The following C17orf78 variants were observed in gnomAD, a reference collection of about 807,000 sequenced individuals.
The protein encoded by C17orf78 is uncharacterized protein C17orf78.
Under a neutral mutation model 31.8 loss-of-function variants are expected in C17orf78, and 27 were observed. The ratio of observed to expected loss-of-function variants is 0.85; its 90% confidence interval spans 0.63 to 1.17. C17orf78 has a LOEUF of 1.17. Among genes scored for constraint, C17orf78 ranks in the 50% most tolerant of loss-of-function variants. C17orf78 has a pLI of 0.00. For synonymous variants in C17orf78, 106 were observed against 115.1 expected, an observed-to-expected ratio of 0.92 and a Z score of 0.51; for missense variants, 258 against 315.2, an observed-to-expected ratio of 0.82 and a Z score of 1.37.
At chr17:37,378,861 A>G (rs1376523144) in intron 2 of C17orf78, among the ~76,000 whole-genome samples, 1 of 152,140 alleles carries the variant, frequency 6.6e-6, no homozygotes, top group African/African-American at 2.4e-5. Flanking sequence ...CAGGAGTTCG[A>G]GACCAGCTTG....
At chr17:37,384,942 C>A (rs1337224162) in intron 3 of C17orf78, among the ~76,000 whole-genome samples, 1 of 152,108 alleles carries the variant, frequency 6.6e-6, no homozygotes, top group Non-Finnish European at 1.5e-5. Context: ...TGATATGAGA[C>A]CACTAAAAAT....
intron 6 of C17orf78, among the ~76,000 whole-genome samples, chr17:37,390,269 A>AT (rs2050773950): frequency 6.8e-4 from 46 of 67,742 alleles, no homozygotes; most frequent in Non-Finnish European, 1.1e-3. Context: ...ATAATTATAT[A>AT]TAATATATTA....
In C17orf78 at chr17:37,376,086, A is replaced by G. The variant is rs749669560; in HGVS notation, c.-7A>G. ...TCTGTCTGCAATGAGCATGTGCTCA[A>G]GCTAACATGGATACCATCTTGGTCT... On this transcript the variant is annotated 5_prime_UTR_variant, in exon 1 of 7. Coordinates refer to ENST00000615133, the MANE Select transcript of C17orf78 (RefSeq NM_173625.5). The G allele has an allele frequency of 5.6e-6, 9 of 1,611,024 alleles. No homozygotes were observed. The Admixed American group carries it at 1.3e-4, about 24-fold the overall frequency.
chr17:37,380,117 C>T (rs1418370932), intron 3 of C17orf78, among the ~76,000 whole-genome samples: 2 of 152,006 alleles, frequency 1.3e-5, no homozygotes, highest in Admixed American at 1.3e-4. Context: ...GAGTTCATGT[C>T]CTTTGTAGGG....
intron 3 of C17orf78, among the ~76,000 whole-genome samples, chr17:37,383,574 G>A (rs2050396785): frequency 6.6e-6 from 1 of 152,204 alleles, no homozygotes; most frequent in Non-Finnish European, 1.5e-5. Context: ...TTGAGACAGA[G>A]TCTCGCTTTG....
At chr17:37,389,905 C>G (rs1250985922) in intron 6 of C17orf78, among the ~76,000 whole-genome samples, 2 of 150,392 alleles carry the variant, frequency 1.3e-5, no homozygotes, top group African/African-American at 2.4e-5. Context: ...AGACATGATA[C>G]AATAGGGTGC....
At chr17:37,388,554 G>T in intron 4 of C17orf78, 116 bp from the exon 5 acceptor site, 2 of 1,234,128 alleles carry the variant, frequency 1.6e-6, no homozygotes, top group Non-Finnish European at 1.1e-6. Flanking sequence ...TCTGCCTCTG[G>T]GTTAGTCTGG....
intron 3 of C17orf78, among the ~76,000 whole-genome samples, chr17:37,384,626 A>G (rs1360508307): frequency 6.6e-6 from 1 of 151,304 alleles, no homozygotes; most frequent in Non-Finnish European, 1.5e-5. Flanking sequence ...ATTTTTATCT[A>G]ATGTGACTTA....
intron 5 of C17orf78, 93 bp from the exon 6 acceptor site, chr17:37,389,153 T>C: frequency 1.4e-6 from 2 of 1,429,648 alleles, no homozygotes; most frequent in South Asian, 2.7e-5. Context: ...TTAGAAGAGA[T>C]GGCTTCCTTT....
intron 6 of C17orf78, among the ~76,000 whole-genome samples, chr17:37,390,208 T>C (rs1198367247): frequency 1.2e-5 from 1 of 80,344 alleles, no homozygotes; most frequent in East Asian, 3.4e-4. Context: ...TATATATAAT[T>C]ATATATTTAT....
At position 37,391,836 on chromosome 17, in the gene C17orf78, CA is replaced by C; in HGVS notation, c.*115del. Reference sequence around the variant, plus strand: ...GTATCTTCAGCAGGGACATTACAATCAAACACCAATTCCTGGTTAATGAAGG... The same window carrying C: ...GTATCTTCAGCAGGGACATTACAATCAACACCAATTCCTGGTTAATGAAGG... On this transcript the variant is annotated 3_prime_UTR_variant, in exon 7 of 7. Coordinates refer to ENST00000615133, the MANE Select transcript of C17orf78 (RefSeq NM_173625.5). 1.0e-6 allele frequency: 1 copy of C among 972,058 alleles called. No individual in the cohort carries two copies. The highest frequency in any genetic ancestry group is 1.4e-5 in the South Asian group (1 of 73,408). The allele number at this position is 972,058 out of a possible 1,614,324, so 60.2% of individuals were successfully genotyped here.
At chr17:37,386,311 G>T (rs2050526938) in intron 4 of C17orf78, among the ~76,000 whole-genome samples, 186 bp downstream of exon 4, 2 of 152,014 alleles carry the variant, frequency 1.3e-5, no homozygotes, top group Non-Finnish European at 2.9e-5. Context: ...GCTTCTCTAG[G>T]CCGGGTGCTG....
chr17:37,380,753 A>G (rs1022628657), intron 3 of C17orf78, among the ~76,000 whole-genome samples: 1 of 152,038 alleles, frequency 6.6e-6, no homozygotes, highest in Non-Finnish European at 1.5e-5. Flanking sequence ...GTCTGCCACC[A>G]TGGCTGGCTA....
At chr17:37,389,183 T>A in intron 5 of C17orf78, 63 bp from the exon 6 acceptor site, 2 of 1,530,286 alleles carry the variant, frequency 1.3e-6, no homozygotes, top group Middle Eastern at 1.7e-4. Context: ...AACAAGAGGT[T>A]TGGAAGAAAA....
intron 2 of C17orf78, 55 bp downstream of exon 2, chr17:37,378,020 C>G: frequency 1.3e-6 from 2 of 1,492,688 alleles, no homozygotes; most frequent in South Asian, 2.3e-5. Flanking sequence ...AAATTTTTAC[C>G]TTTAAAAGAT....
rs150160066 is a variant in C17orf78, at chr17:37,390,350, C to T, written c.750+988C>T. Among the ~76,000 whole-genome samples the T allele has an allele frequency of 2.4e-3, 151 of 61,888 alleles. 1 individual carries two copies. The highest frequency in any genetic ancestry group is 0.01 in the African/African-American group (137 of 13,662). 40.6% of individuals were successfully genotyped at this position (61,888 alleles called of 152,430 possible). A position where few individuals can be genotyped will look rare whatever the true frequency, so the allele number is the denominator to read the frequency against. ...TATATATATAAAAGGCCAGCTGGGC[C>T]GGGCACGGTGGCTCACGCCTGTAAT... On this transcript the variant is annotated intron_variant, in intron 6 of 6. Transcript: ENST00000615133.
chr17:37,377,102 C>T (rs528137053), intron 1 of C17orf78, among the ~76,000 whole-genome samples: 2 of 152,204 alleles, frequency 1.3e-5, no homozygotes, highest in East Asian at 3.9e-4. Flanking sequence ...TAACTAAGAC[C>T]TATGGTTCTG....
rs566427338 is a variant in C17orf78, at chr17:37,378,987, T to G, written c.146-150T>G. 24 of 941,496 alleles carry G rather than the reference T, an allele frequency of 2.5e-5. No individual in the cohort carries two copies. The East Asian group carries it at 6.4e-4, about 25-fold the overall frequency. 58.3% of individuals were successfully genotyped at this position (941,496 alleles called of 1,614,324 possible). ...AGGAGGCTGAGGTGGGAGGATTGCT[T>G]GGAGATCGAGGGAGTTTGAGGCTGG... On this transcript the variant is annotated intron_variant, in intron 2 of 6. Transcript: ENST00000615133.
chr17:37,380,119 T>C (rs904320736), intron 3 of C17orf78, among the ~76,000 whole-genome samples: 14 of 152,080 alleles, frequency 9.2e-5, no homozygotes, highest in African/African-American at 3.4e-4. Context: ...GTTCATGTCC[T>C]TTGTAGGGAC....
Sources: gnomAD v4.1 joint callset for allele counts (sites outside exome capture counted in the v4.1 genomes callset) on GRCh38, gnomAD v4.1.1 for gene constraint, MANE v1.5 for transcripts, NCBI Gene and HGNC (gene_info 2026-07-23, HGNC 2026-07-21) for gene names.